Variants in NR2C1 observed in about 807,000 individuals in gnomAD.
The protein encoded by NR2C1 is nuclear receptor subfamily 2 group C member 1.
A neutral mutation model predicts 74.8 loss-of-function variants in NR2C1; 33 were observed. The ratio of observed to expected loss-of-function variants is 0.44; its 90% CI spans 0.33 to 0.59. The LOEUF is 0.59. Among genes scored for constraint, NR2C1 ranks in the 20% least tolerant of loss-of-function variants. The probability of loss-of-function intolerance (pLI) is 0.02; values close to 1 mark genes in which losing one functional copy is unlikely to be tolerated. For missense variants in NR2C1, 568 were observed against 715.6 expected (o/e 0.79, Z 2.35); for synonymous variants, 225 against 240.6 (o/e 0.94, Z 0.60).
intron 9 of NR2C1, among the ~76,000 whole-genome samples, chr12:95,046,912 G>A (rs1872388044): frequency 6.6e-6 from 1 of 152,102 alleles, no homozygotes; most frequent in Non-Finnish European, 1.5e-5. Context: ...CTTTTCAGGA[G>A]AGTAAGAAAC....
At chr12:95,022,828 G>T (rs1369445300) in intron 13 of NR2C1, among the ~76,000 whole-genome samples, 1 of 151,430 alleles carries the variant, frequency 6.6e-6, no homozygotes, top group African/African-American at 2.4e-5. Context: ...CCAAGTAGCT[G>T]TGGCTACAGG....
intron 9 of NR2C1, among the ~76,000 whole-genome samples, chr12:95,047,122 C>G (rs1304025679): frequency 6.6e-6 from 1 of 152,150 alleles, no homozygotes; most frequent in Admixed American, 6.6e-5. Flanking sequence ...GTCCTTTTCC[C>G]TCACAATGGG....
At chr12:95,027,558 G>C (rs1332325334) in intron 12 of NR2C1, among the ~76,000 whole-genome samples, 1 of 152,058 alleles carries the variant, frequency 6.6e-6, no homozygotes, top group Non-Finnish European at 1.5e-5. Context: ...CCAACATAGT[G>C]AAACTTGTCT....
In NR2C1 at chr12:95,062,687, C is replaced by A; in HGVS notation, c.106G>T (p.Asp36Tyr). The A allele has an allele frequency of 6.2e-7, 1 of 1,614,136 alleles. No individual in the cohort carries two copies. The change falls in exon 3 of 14, where the codon GAT becomes TAT. Residue 36 changes from aspartate to tyrosine, a missense_variant. Physicochemically the swap from Asp to Tyr is radical, Grantham distance 160. Around this residue, in one of 6 missense-constraint regions of NR2C1, gnomAD observed 128 missense variants for 118.9 expected, o/e 1.08. Transcript: ENST00000333003. ...AACTGCTTGCCTTGGGTATTATGAT[C>A]AAGTGCTGTCACAATCTGGATTTTC... ...GQKIQIVTAL[D>Y]HNTQGKQFIL...
chr12:95,022,104 A>C lies in NR2C1; in HGVS notation c.*125T>G. On this transcript the variant is annotated 3_prime_UTR_variant, in exon 14 of 14. Transcript: ENST00000333003. ...ATTCTTAAGGGAAGCTAAAATAAAA[A>C]TACCTTGGATTCTGGTTACTTTTTA... The C allele has an allele frequency of 1.5e-6, 1 of 683,798 alleles. No homozygotes were observed. 42.4% of individuals were successfully genotyped at this position (683,798 alleles called of 1,614,324 possible).
At chr12:95,060,025 C>T in intron 3 of NR2C1, 41 bp from the exon 4 acceptor site, 1 of 1,430,672 alleles carries the variant, frequency 7.0e-7, no homozygotes, top group Non-Finnish European at 9.3e-7. Context: ...AAAACGAAAA[C>T]CTGTTGTTAC....
chr12:95,058,459 C>G lies in NR2C1; in HGVS notation c.395G>C (p.Gly132Ala). ...GRHYGAVTCE[G>A]CKGFFKRSIR... is the part of the protein sequence containing the mutation. ...GCTTCTTTTAAAAAATCCTTTGCAG[C>G]CTTCACAAGTTACTGCTCCATAATG... Residue 132 changes from glycine to alanine, a missense_variant, in exon 5 of 14, where the codon GGC (glycine) becomes GCC (alanine). By Grantham distance (60) the Gly-to-Ala change is moderately conservative (BLOSUM62 0). This residue lies in a region of NR2C1 where 44 missense variants were observed against 95.6 expected (regional missense o/e 0.46). Coordinates refer to ENST00000333003, the MANE Select transcript of NR2C1 (RefSeq NM_003297.4). The G allele has an allele frequency of 1.2e-6, 2 of 1,612,992 alleles. No individual in the cohort carries two copies. The highest frequency in any genetic ancestry group is 8.5e-7 in the Non-Finnish European group (1 of 1,179,664).
At chr12:95,067,506 T>C (rs1456006621) in intron 1 of NR2C1, 115 bp from the exon 2 acceptor site, 1 of 815,374 alleles carries the variant, frequency 1.2e-6, no homozygotes, top group Non-Finnish European at 1.9e-6. Context: ...CTAGTTAAGG[T>C]GGGAGGGTTG....
At chr12:95,064,328 CAAAAAA>C (rs35375374) in intron 2 of NR2C1, among the ~76,000 whole-genome samples, 1 of 107,978 alleles carries the variant, frequency 9.3e-6, no homozygotes. Flanking sequence ...GAGTCTGTCT[CAAAAAA>C]AAAAAAAAAA....
In NR2C1 at chr12:95,062,726, G is replaced by C. The variant is rs1180244295; in HGVS notation, c.67C>G (p.Gln23Glu). ...ATCTGGATTTTCTGCCCAGTTTGCTGCTCTGTAACAATCTAACAAAATCAT... is the reference window on the plus strand; with the variant it reads ...ATCTGGATTTTCTGCCCAGTTTGCTCCTCTGTAACAATCTAACAAAATCAT... Reference protein sequence around the residue: ...EQQMGEIVTEQQTGQKIQIVT... With the variant: ...EQQMGEIVTEEQTGQKIQIVT... The change falls in exon 3 of 14, where the codon CAG becomes GAG. Residue 23 changes from glutamine (Q) to glutamate (E), a missense_variant. Physicochemically the swap from Gln to Glu is conservative, Grantham distance 29 (BLOSUM62 2). Coordinates refer to ENST00000333003, the MANE Select transcript of NR2C1 (RefSeq NM_003297.4). The C allele has an allele frequency of 6.2e-7, 1 of 1,612,482 alleles. No individual in the cohort carries two copies. Among genetic ancestry groups the C allele is most frequent in the Non-Finnish European group, 8.5e-7 (1 of 1,178,672 alleles).
intron 3 of NR2C1, among the ~76,000 whole-genome samples, chr12:95,060,409 T>C (rs1874614554): frequency 6.6e-6 from 1 of 152,142 alleles, no homozygotes; most frequent in African/African-American, 2.4e-5. Context: ...ATCCCAGCAC[T>C]TTGGGAGGCT....
intron 4 of NR2C1, among the ~76,000 whole-genome samples, chr12:95,059,281 G>A (rs1248416475): frequency 6.8e-6 from 1 of 146,092 alleles, no homozygotes; most frequent in Non-Finnish European, 1.5e-5. Context: ...CAGTCAGGGT[G>A]ACAGCGCAAG....
intron 10 of NR2C1, among the ~76,000 whole-genome samples, chr12:95,037,547 C>T (rs753050120): frequency 1.3e-5 from 2 of 152,136 alleles, no homozygotes; most frequent in African/African-American, 4.8e-5. Flanking sequence ...TGTTGCTTAT[C>T]TGTTTCTCTC....
At chr12:95,048,980 A>G in intron 9 of NR2C1, 88 bp downstream of exon 9, 1 of 1,241,528 alleles carries the variant, frequency 8.1e-7, no homozygotes, top group Non-Finnish European at 1.2e-6. Flanking sequence ...TCTGACTTTA[A>G]AAGCACAACA....
intron 8 of NR2C1, 31 bp from the exon 9 acceptor site, chr12:95,049,264 G>A: frequency 6.3e-7 from 1 of 1,582,244 alleles, no homozygotes; most frequent in Non-Finnish European, 8.6e-7. Flanking sequence ...CTATGAGCTT[G>A]ACCAAACACC....
rs1188856060 is a variant in NR2C1 at position 95,051,797 on chromosome 12, T to C, written c.930A>G (p.Glu310=). Residue 310 remains glutamate, a synonymous_variant, in exon 8 of 14, where the codon GAA becomes GAG. Transcript: ENST00000333003. ...SLSNDDTSLC[E]FQEMQTNGDV... ...CACCGTTGGTCTGCATTTCTTGAAATTCACACAAAGAGGTATCATCATTGC... is the reference window on the plus strand; with the variant it reads ...CACCGTTGGTCTGCATTTCTTGAAACTCACACAAAGAGGTATCATCATTGC... The C allele has an allele frequency of 6.2e-7, 1 of 1,607,476 alleles. No individual in the cohort carries two copies. Among genetic ancestry groups the C allele is most frequent in the Non-Finnish European group, 8.5e-7 (1 of 1,178,584 alleles).
chr12:95,062,752 G>A lies in NR2C1; in HGVS notation c.55-14C>T, dbSNP rs1874985822. On this transcript the variant is annotated splice_polypyrimidine_tract_variant and intron_variant, in intron 2 of 13. Coordinates refer to ENST00000333003, the MANE Select transcript of NR2C1 (RefSeq NM_003297.4). Reference sequence around the variant, plus strand: ...CTCTGTAACAATCTAACAAAATCATGAAAAATAATCAATGAAACTCAATAA... The same window carrying A: ...CTCTGTAACAATCTAACAAAATCATAAAAAATAATCAATGAAACTCAATAA... The A allele has an allele frequency of 9.5e-6, 15 of 1,584,958 alleles. No individual in the cohort carries two copies. Among genetic ancestry groups the A allele is most frequent in the Non-Finnish European group, 1.3e-5 (15 of 1,154,296 alleles).
chr12:95,051,885 T>C lies in NR2C1; in HGVS notation c.842A>G (p.Asn281Ser). Residue 281 changes from asparagine to serine, a missense_variant, in exon 8 of 14, where the codon AAT becomes AGT. Around this residue, in one of 6 missense-constraint regions of NR2C1, gnomAD observed 239 missense variants for 232.3 expected, o/e 1.03. Transcript: ENST00000333003. The stretch of plus-strand genomic sequence containing the variant: ...AGAAAGATCTTTAGTTTTTCCAAGA[T>C]TCGCTAATGATGTAACCACATTGGC... ...TLANVVTSLA[N>S]LGKTKDLSQN... The C allele has an allele frequency of 6.2e-7, 1 of 1,612,112 alleles. No individual in the cohort carries two copies. The highest frequency in any genetic ancestry group is 1.7e-5 in the Admixed American group (1 of 59,360).
chr12:95,068,796 TA>T (rs540601210), intron 1 of NR2C1, among the ~76,000 whole-genome samples: 3,879 of 128,746 alleles, frequency 0.03, 101 homozygotes, highest in African/African-American at 0.086. Context: ...TTCTGTCTCA[TA>T]AAAAAAAAAA....
Sources: gnomAD v4.1 joint callset for allele counts (sites outside exome capture counted in the v4.1 genomes callset) on GRCh38, gnomAD v4.1.1 for gene constraint, gnomAD v4.1.1 regional missense constraint, MANE v1.5 for transcripts, NCBI Gene and HGNC (gene_info 2026-07-23, HGNC 2026-07-21) for gene names.